Variants in LARGE1 observed in about 807,000 individuals in gnomAD.
The protein encoded by LARGE1 is xylosyl- and glucuronyltransferase LARGE1.
LARGE1 carries 43 observed loss-of-function variants against 87.6 expected under a neutral mutation model. That is an observed-to-expected ratio of 0.49 (90% CI 0.38 to 0.63). LARGE1 has a LOEUF of 0.63. LARGE1 is among the 30% of genes least tolerant of loss of function. The probability of loss-of-function intolerance (pLI) is 0.00; values close to 1 mark genes in which losing one functional copy is unlikely to be tolerated. For synonymous variants in LARGE1, 434 were observed against 394.6 expected (o/e 1.10, Z -1.18); for missense variants, 802 against 1,000.2 (o/e 0.80, Z 2.67).
chr22:33,762,851 C>T (rs564034156), intron 1 of LARGE1, among the ~76,000 whole-genome samples: 1 of 152,190 alleles, frequency 6.6e-6, no homozygotes, highest in African/African-American at 2.4e-5. Context: ...ATAGGTGTCA[C>T]GCTGACTATA....
At chr22:33,681,161 G>C (rs937451470) in intron 2 of LARGE1, among the ~76,000 whole-genome samples, 1 of 152,100 alleles carries the variant, frequency 6.6e-6, no homozygotes, top group African/African-American at 2.4e-5. Context: ...ATTTGTACTT[G>C]TACATCTTTA....
At position 33,359,786 on chromosome 22, in the gene LARGE1, G is replaced by C. The variant is rs375977177; in HGVS notation, c.1132-21985C>G. Reference sequence around the variant, plus strand: ...TCACTGTGTTAGCCAGGATGGTCTCGATCTCCTGACCTTGTGATCTGCCCG... The same window carrying C: ...TCACTGTGTTAGCCAGGATGGTCTCCATCTCCTGACCTTGTGATCTGCCCG... On this transcript the variant is annotated intron_variant, in intron 9 of 14. Coordinates refer to ENST00000397394, the MANE Select transcript of LARGE1 (RefSeq NM_133642.5). 4.4e-4 allele frequency among the ~76,000 whole-genome samples: 66 copies of C among 148,728 alleles called. 8 individuals are homozygous for C. In the South Asian group the frequency reaches 0.014, roughly 32 times the overall value.
the LARGE1 span, among the ~76,000 whole-genome samples, chr22:33,075,496 A>G: frequency 1.3e-5 from 2 of 152,304 alleles, no homozygotes; most frequent in African/African-American, 2.4e-5. Context: ...TTATTCCTCA[A>G]TGCTCCAGTG....
chr22:33,398,383 A>G (rs763134250), intron 7 of LARGE1, among the ~76,000 whole-genome samples: 4 of 151,802 alleles, frequency 2.6e-5, no homozygotes, highest in Non-Finnish European at 5.9e-5. Flanking sequence ...CACTCCCCCA[A>G]CCTTTCCTCC....
At chr22:33,864,110 TAG>T (rs2064015969) in intron 1 of LARGE1, among the ~76,000 whole-genome samples, 1 of 152,196 alleles carries the variant, frequency 6.6e-6, no homozygotes, top group African/African-American at 2.4e-5. Flanking sequence ...ACCAGGCAGG[TAG>T]AGTCTTGACC....
chr22:33,514,600 T>G (rs1182045590), intron 6 of LARGE1, among the ~76,000 whole-genome samples: 1 of 152,226 alleles, frequency 6.6e-6, no homozygotes, highest in Non-Finnish European at 1.5e-5. Flanking sequence ...ATAGATTGTA[T>G]GTAAATACAA....
intron 11 of LARGE1, among the ~76,000 whole-genome samples, chr22:33,212,813 C>G (rs569818725): frequency 1.3e-5 from 2 of 151,972 alleles, no homozygotes; most frequent in Non-Finnish European, 2.9e-5. Context: ...ATCAGGAGAT[C>G]GAGACCATCC....
At chr22:33,818,900 G>C (rs1047433786) in intron 1 of LARGE1, among the ~76,000 whole-genome samples, 1 of 152,024 alleles carries the variant, frequency 6.6e-6, no homozygotes, top group Admixed American at 6.6e-5. Flanking sequence ...CCCTTGGGTG[G>C]GCTGAAAGTT....
chr22:33,894,080 G>A (rs1230227682), intron 1 of LARGE1, among the ~76,000 whole-genome samples: 1 of 151,970 alleles, frequency 6.6e-6, no homozygotes, highest in African/African-American at 2.4e-5. Context: ...CCCATCTAGA[G>A]GCTGACCCTA....
At chr22:33,888,293 A>C (rs1257584199) in intron 1 of LARGE1, among the ~76,000 whole-genome samples, 2 of 152,238 alleles carry the variant, frequency 1.3e-5, no homozygotes, top group Admixed American at 1.3e-4. Context: ...AAAGTCTTAC[A>C]GAACATCCAT....
intron 2 of LARGE1, among the ~76,000 whole-genome samples, chr22:33,695,603 T>G (rs1257148089): frequency 6.6e-6 from 1 of 152,198 alleles, no homozygotes; most frequent in Non-Finnish European, 1.5e-5. Flanking sequence ...TATCCTTCTA[T>G]CCATCTATCA....
At chr22:33,312,438 C>CAAAAAA (rs370832626) in intron 11 of LARGE1, among the ~76,000 whole-genome samples, 1 of 56,380 alleles carries the variant, frequency 1.8e-5, no homozygotes, top group Non-Finnish European at 3.9e-5. Context: ...GACTCTGTCT[C>CAAAAAA]AAAAAAAAAA....
intron 1 of LARGE1, among the ~76,000 whole-genome samples, chr22:33,791,435 A>T (rs1324584442): frequency 6.6e-6 from 1 of 152,214 alleles, no homozygotes; most frequent in African/African-American, 2.4e-5. Flanking sequence ...TTACAAAAAA[A>T]TTTAATTATT....
At chr22:33,611,737 T>C (rs2079435391) in intron 4 of LARGE1, among the ~76,000 whole-genome samples, 1 of 152,086 alleles carries the variant, frequency 6.6e-6, no homozygotes, top group Admixed American at 6.5e-5. Flanking sequence ...AGGAATGATA[T>C]AGTTTGGATA....
intron 6 of LARGE1, among the ~76,000 whole-genome samples, chr22:33,526,618 G>A (rs777207593): frequency 7.2e-5 from 11 of 152,354 alleles, no homozygotes; most frequent in South Asian, 2.1e-4. Flanking sequence ...GAGAGCCTAC[G>A]CTGGACAGGC....
At chr22:33,298,675 T>G (rs941632190) in intron 12 of LARGE1, among the ~76,000 whole-genome samples, 2 of 151,602 alleles carry the variant, frequency 1.3e-5, no homozygotes, top group African/African-American at 4.8e-5. Context: ...AAAAGGAAAT[T>G]AAAAAATTAG....
At chr22:33,100,363 A>AG in the LARGE1 span, among the ~76,000 whole-genome samples, 3 of 150,980 alleles carry the variant, frequency 2.0e-5, no homozygotes, top group Non-Finnish European at 4.4e-5. Flanking sequence ...AAAAAAAAAA[A>AG]AAAAAAAAGT....
intron 6 of LARGE1, among the ~76,000 whole-genome samples, chr22:33,484,414 GAAT>G (rs2069475446): frequency 6.6e-6 from 1 of 152,186 alleles, no homozygotes; most frequent in African/African-American, 2.4e-5. Context: ...CTTGGAAAGA[GAAT>G]AATGTTTCTG....
At chr22:33,709,751 G>A (rs5994789) in intron 2 of LARGE1, among the ~76,000 whole-genome samples, 5,938 of 150,958 alleles carry the variant, frequency 0.039, 375 homozygotes, top group African/African-American at 0.14. Context: ...TCAGCCTCCC[G>A]AGTAGCTGGG....
Sources: gnomAD v4.1 joint callset for allele counts (sites outside exome capture counted in the v4.1 genomes callset) on GRCh38, gnomAD v4.1.1 for gene constraint, MANE v1.5 for transcripts, NCBI Gene and HGNC (gene_info 2026-07-23, HGNC 2026-07-21) for gene names.